Variants in CDH13 observed in about 807,000 individuals in gnomAD.
CDH13 encodes the protein cadherin 13, also known as cadherin-13.
Under a neutral mutation model 63.8 loss-of-function variants are expected in CDH13, and 24 were observed. The observed-to-expected ratio is 0.38, with a 90% CI of 0.27 to 0.53. CDH13 has a LOEUF of 0.53. CDH13 is among the 20% of genes least tolerant of loss of function. The probability of loss-of-function intolerance (pLI) is 0.85; values close to 1 mark genes in which losing one functional copy is unlikely to be tolerated. For synonymous variants in CDH13, 503 were observed against 355.3 expected (o/e 1.42, Z -4.67); for missense variants, 1,049 against 903.1 (o/e 1.16, Z -2.07).
At chr16:83,713,703 G>T (rs920008639) in intron 10 of CDH13, among the ~76,000 whole-genome samples, 1 of 152,158 alleles carries the variant, frequency 6.6e-6, no homozygotes, top group African/African-American at 2.4e-5. Flanking sequence ...AAGGGTGGAT[G>T]TGGTTTTAAC....
chr16:82,885,692 A>G (rs1314590262), intron 2 of CDH13, among the ~76,000 whole-genome samples: 1 of 152,144 alleles, frequency 6.6e-6, no homozygotes, highest in Non-Finnish European at 1.5e-5. Flanking sequence ...AATGTAGTGC[A>G]TTGGTTACAA....
intron 3 of CDH13, among the ~76,000 whole-genome samples, chr16:83,038,837 C>G (rs1315979388): frequency 6.6e-6 from 1 of 151,944 alleles, no homozygotes. Flanking sequence ...CATACTTACT[C>G]TTTCTTTCTG....
At chr16:83,533,561 G>A (rs1475820416) in intron 7 of CDH13, among the ~76,000 whole-genome samples, 3 of 152,016 alleles carry the variant, frequency 2.0e-5, no homozygotes, top group Non-Finnish European at 2.9e-5. Flanking sequence ...GGAATGGCAC[G>A]GCCCACGGCT....
intron 8 of CDH13, among the ~76,000 whole-genome samples, chr16:83,657,135 G>T (rs573781872): frequency 9.9e-5 from 15 of 152,148 alleles, no homozygotes; most frequent in Admixed American, 9.8e-4. Flanking sequence ...AATGATGTAG[G>T]CTCTTCCTTT....
At chr16:82,795,171 G>A (rs1392456332) in intron 1 of CDH13, among the ~76,000 whole-genome samples, 1 of 152,226 alleles carries the variant, frequency 6.6e-6, no homozygotes, top group Non-Finnish European at 1.5e-5. Flanking sequence ...TGGCATGGAA[G>A]TTTTAGCTCT....
intron 8 of CDH13, among the ~76,000 whole-genome samples, chr16:83,647,951 A>G (rs1911989846): frequency 6.6e-6 from 1 of 152,128 alleles, no homozygotes; most frequent in Non-Finnish European, 1.5e-5. Context: ...TACAAACCTG[A>G]TCCTAAAGCC....
At chr16:83,148,265 G>A (rs2036835415) in intron 4 of CDH13, among the ~76,000 whole-genome samples, 2 of 152,164 alleles carry the variant, frequency 1.3e-5, no homozygotes, top group South Asian at 2.1e-4. Context: ...AGGGGCCAGA[G>A]AGACCACAAT....
chr16:83,144,667 ATCTC>A (rs1353718414), intron 4 of CDH13, among the ~76,000 whole-genome samples: 14 of 152,348 alleles, frequency 9.2e-5, no homozygotes, highest in Admixed American at 2.6e-4. Context: ...CAGACCAGCT[ATCTC>A]TCTATTTTTT....
chr16:82,627,841 T>C (rs1353971310), intron 1 of CDH13, among the ~76,000 whole-genome samples: 1 of 152,164 alleles, frequency 6.6e-6, no homozygotes, highest in Non-Finnish European at 1.5e-5. Flanking sequence ...CCCGCACCCC[T>C]ATTGTCCAGC....
intron 11 of CDH13, among the ~76,000 whole-genome samples, chr16:83,752,933 A>G (rs1913205193): frequency 6.6e-6 from 1 of 152,178 alleles, no homozygotes; most frequent in Non-Finnish European, 1.5e-5. Flanking sequence ...ACAGCTTGAA[A>G]TCCACTTGTT....
rs192254117 is a variant in CDH13 at position 83,385,976 on chromosome 16, C to T, written c.781+40970C>T. Among the ~76,000 whole-genome samples the T allele has an allele frequency of 2.9e-3, 445 of 152,226 alleles. 2 individuals carry two copies. The highest frequency in any genetic ancestry group is 5.5e-3 in the Non-Finnish European group (377 of 68,024). ...AATATGAACTATGACCATAGCCAGC[C>T]CTATATTCTAGAACCAGCATCTCCA... On this transcript the variant is annotated intron_variant, in intron 6 of 13. Coordinates refer to ENST00000567109, the MANE Select transcript of CDH13 (RefSeq NM_001257.5).
At chr16:83,324,179 G>T (rs1394564354) in intron 5 of CDH13, among the ~76,000 whole-genome samples, 2 of 152,012 alleles carry the variant, frequency 1.3e-5, no homozygotes, top group Non-Finnish European at 2.9e-5. Context: ...TGCGATGACA[G>T]GCACCTGCCA....
intron 6 of CDH13, among the ~76,000 whole-genome samples, chr16:83,371,805 A>G (rs558473585): frequency 1.1e-4 from 16 of 152,342 alleles, no homozygotes; most frequent in African/African-American, 3.8e-4. Flanking sequence ...GTGCTTCACG[A>G]GTCTTTTCTG....
intron 7 of CDH13, among the ~76,000 whole-genome samples, chr16:83,575,960 G>T (rs1214910714): frequency 6.6e-6 from 1 of 152,050 alleles, no homozygotes; most frequent in Non-Finnish European, 1.5e-5. Flanking sequence ...AATTAACCAC[G>T]TTAAAGTGAA....
chr16:82,693,334 G>A (rs1221525379), intron 1 of CDH13, among the ~76,000 whole-genome samples: 1 of 152,172 alleles, frequency 6.6e-6, no homozygotes, highest in Admixed American at 6.5e-5. Flanking sequence ...ATACATGAAA[G>A]TCTAGGCTTG....
chr16:83,356,438 C>T (rs1011245455), intron 6 of CDH13, among the ~76,000 whole-genome samples: 1 of 152,078 alleles, frequency 6.6e-6, no homozygotes, highest in African/African-American at 2.4e-5. Context: ...ATTCATAAAG[C>T]ATGCTGAGCC....
At chr16:82,910,500 C>T (rs1003481718) in intron 2 of CDH13, among the ~76,000 whole-genome samples, 1 of 152,060 alleles carries the variant, frequency 6.6e-6, no homozygotes, top group Non-Finnish European at 1.5e-5. Flanking sequence ...TAAATATCTT[C>T]CCCAGACAAA....
At chr16:83,015,506 T>C (rs1251888485) in intron 2 of CDH13, among the ~76,000 whole-genome samples, 1 of 151,302 alleles carries the variant, frequency 6.6e-6, no homozygotes, top group Admixed American at 6.6e-5. Flanking sequence ...AAAATCAACA[T>C]AATCCAAAGG....
At chr16:82,916,084 A>G (rs1323639440) in intron 2 of CDH13, among the ~76,000 whole-genome samples, 2 of 152,200 alleles carry the variant, frequency 1.3e-5, no homozygotes, top group South Asian at 4.1e-4. Context: ...AAATGCCTCC[A>G]GACTACATTC....
Sources: allele counts gnomAD v4.1 joint callset (sites outside exome capture counted in the v4.1 genomes callset), GRCh38; gene constraint gnomAD v4.1.1; transcripts MANE v1.5; gene names NCBI Gene and HGNC (gene_info 2026-07-23, HGNC 2026-07-21).